The following PCCA variants were observed in gnomAD, a reference collection of about 807,000 sequenced individuals.
The protein encoded by PCCA is propionyl-CoA carboxylase subunit alpha, also known as propionyl-CoA carboxylase alpha chain, mitochondrial.
In PCCA, 74 loss-of-function variants were observed where a neutral mutation model predicts 101.3. The observed-to-expected ratio is 0.73, with a 90% confidence interval of 0.61 to 0.89. The LOEUF (loss-of-function observed/expected upper bound fraction) is 0.89, where lower values mean the gene tolerates loss of function less well. PCCA is among the 40% of genes least tolerant of loss of function. The pLI, the probability that PCCA is intolerant of heterozygous loss-of-function variation, is 0.00. For missense variants in PCCA, 891 were observed against 907.0 expected, an observed-to-expected ratio of 0.98 and a Z score of 0.23; for synonymous variants, 294 against 313.6, an observed-to-expected ratio of 0.94 and a Z score of 0.66.
chr13:100,188,804 T>G (rs1341272672), intron 6 of PCCA, among the ~76,000 whole-genome samples: 2 of 152,362 alleles, frequency 1.3e-5, no homozygotes, highest in Admixed American at 1.3e-4. Flanking sequence ...TGCATTTCCC[T>G]GATCTTTAGT....
chr13:100,221,587 T>C (rs372971603), intron 7 of PCCA, among the ~76,000 whole-genome samples: 3 of 152,162 alleles, frequency 2.0e-5, no homozygotes, highest in African/African-American at 7.2e-5. Context: ...CATTAGATGA[T>C]TTGTAACATC....
In PCCA at chr13:100,309,878, G is replaced by A. The variant is rs781498064; in HGVS notation, c.1399G>A (p.Ala467Thr). The change falls in exon 16 of 24, where the codon GCA becomes ACA. Residue 467 changes from alanine (A) to threonine (T), a missense_variant. Transcript: ENST00000376285. ...SDRTEALKRM[A>T]DALDNYVIRG... ...TAGAACTGAGGCACTGAAGAGAATG[G>A]CAGATGCACTGGATAACTATGTTAT... is the stretch of plus-strand genomic sequence containing the variant. 2.7e-5 allele frequency: 43 copies of A among 1,613,074 alleles called. No homozygotes were observed. The highest frequency in any genetic ancestry group is 3.2e-5 in the Non-Finnish European group (38 of 1,179,276).
chr13:100,428,939 G>A (rs146644958), intron 20 of PCCA, among the ~76,000 whole-genome samples: 14 of 152,318 alleles, frequency 9.2e-5, no homozygotes, highest in Non-Finnish European at 1.6e-4. Context: ...CAGTAAGGAA[G>A]TGATGATTGA....
rs1260408224 is a variant in PCCA at position 100,401,335 on chromosome 13, C to G, written c.1747-24298C>G. On this transcript the variant is annotated intron_variant, in intron 19 of 23. Coordinates refer to ENST00000376285, the MANE Select transcript of PCCA (RefSeq NM_000282.4). The stretch of plus-strand genomic sequence containing the variant: ...CTTGACTCACCACAACCTCTGCCTC[C>G]TGGGTTCAAGCGATTCTCCTGCTTC... Among the ~76,000 whole-genome samples, 4 of 152,128 alleles carry G rather than the reference C, an allele frequency of 2.6e-5. 1 individual carries two copies. The highest frequency in any genetic ancestry group is 5.9e-5 in the Non-Finnish European group (4 of 68,030).
intron 20 of PCCA, among the ~76,000 whole-genome samples, chr13:100,427,794 T>C: frequency 6.6e-6 from 1 of 152,092 alleles, no homozygotes; most frequent in East Asian, 1.9e-4. Context: ...TTATTTACTT[T>C]CTGTAGGCAT....
chr13:100,185,725 G>T (rs559316722), intron 6 of PCCA, among the ~76,000 whole-genome samples: 1 of 150,748 alleles, frequency 6.6e-6, no homozygotes, highest in South Asian at 2.1e-4. Flanking sequence ...TCGGCTCACC[G>T]CAGCCTCCAC....
At chr13:100,385,892 A>C (rs955705284) in intron 19 of PCCA, among the ~76,000 whole-genome samples, 1 of 152,230 alleles carries the variant, frequency 6.6e-6, no homozygotes, top group East Asian at 1.9e-4. Context: ...AATTATAGGC[A>C]TGAGCCACTG....
chr13:100,137,207 C>G (rs2051291533), intron 4 of PCCA, among the ~76,000 whole-genome samples: 1 of 151,970 alleles, frequency 6.6e-6, no homozygotes, highest in South Asian at 2.1e-4. Flanking sequence ...TCTCTTTGTT[C>G]AGAGATCATA....
At chr13:100,227,026 C>T (rs779185385) in intron 7 of PCCA, among the ~76,000 whole-genome samples, 5 of 152,168 alleles carry the variant, frequency 3.3e-5, no homozygotes, top group East Asian at 1.9e-4. Context: ...TTCTTTGAGA[C>T]GAAGTCTTGC....
intron 21 of PCCA, among the ~76,000 whole-genome samples, chr13:100,469,651 C>G (rs570679749): frequency 6.6e-6 from 1 of 151,992 alleles, no homozygotes; most frequent in East Asian, 1.9e-4. Flanking sequence ...TGGCAGGCGC[C>G]TGTAGTCTCA....
At chr13:100,463,821 T>C (rs2082332851) in intron 21 of PCCA, among the ~76,000 whole-genome samples, 1 of 152,192 alleles carries the variant, frequency 6.6e-6, no homozygotes, top group Non-Finnish European at 1.5e-5. Context: ...TACAAAATGA[T>C]GACATGTTTA....
At chr13:100,205,218 C>G (rs1478876153) in intron 6 of PCCA, among the ~76,000 whole-genome samples, 1 of 152,086 alleles carries the variant, frequency 6.6e-6, no homozygotes. Context: ...TAAAATCTGG[C>G]CTTTTATTCT....
chr13:100,322,642 C>G (rs2068193126), intron 16 of PCCA, among the ~76,000 whole-genome samples: 1 of 151,726 alleles, frequency 6.6e-6, no homozygotes, highest in South Asian at 2.1e-4. Flanking sequence ...GCAGCCGTAG[C>G]TCACTACAAC....
chr13:100,514,490 C>G (rs2086691916), intron 21 of PCCA, among the ~76,000 whole-genome samples: 1 of 152,202 alleles, frequency 6.6e-6, no homozygotes, highest in African/African-American at 2.4e-5. Flanking sequence ...AGAAATCAGA[C>G]CTGGTAGGGA....
At chr13:100,101,727 G>A (rs1458186522) in intron 1 of PCCA, among the ~76,000 whole-genome samples, 1 of 152,074 alleles carries the variant, frequency 6.6e-6, no homozygotes, top group Non-Finnish European at 1.5e-5. Context: ...CTCCTGAGTA[G>A]CTGGGACTAC....
rs564372209 is a variant in PCCA, at chr13:100,235,842, G to A, written c.601G>A (p.Asp201Asn). 3 of 1,605,590 alleles carry A rather than the reference G, an allele frequency of 1.9e-6. No individual in the cohort carries two copies. The Admixed American group carries it at 5.0e-5, about 27-fold the overall frequency. ...TIPGFDGVVK[D>N]AEEAVRIARE... ...TGAGTCTCATTTCCTGCTTTTACAGGATGCAGAAGAAGCTGTCAGAATTGC... is the reference window on the plus strand; with the variant it reads ...TGAGTCTCATTTCCTGCTTTTACAGAATGCAGAAGAAGCTGTCAGAATTGC... The change falls in exon 8 of 24, where the codon GAT (aspartate) becomes AAT (asparagine). Residue 201 changes from aspartate to asparagine, a missense_variant and splice_region_variant. Transcript: ENST00000376285.
intron 4 of PCCA, among the ~76,000 whole-genome samples, chr13:100,125,553 G>A (rs190718010): frequency 3.4e-4 from 51 of 152,228 alleles, no homozygotes; most frequent in Non-Finnish European, 1.5e-5. Context: ...ACTTGCTATT[G>A]CTCACTTTTC....
chr13:100,321,215 T>C (rs2068000249), intron 16 of PCCA, among the ~76,000 whole-genome samples: 1 of 152,214 alleles, frequency 6.6e-6, no homozygotes, highest in African/African-American at 2.4e-5. Flanking sequence ...TCTTTTCTTT[T>C]TCAAAAGCAC....
chr13:100,345,310 C>T (rs1015429550), intron 18 of PCCA, among the ~76,000 whole-genome samples: 40 of 152,212 alleles, frequency 2.6e-4, no homozygotes, highest in Non-Finnish European at 5.4e-4. Context: ...AGTGCTATTC[C>T]AGTGAACACA....
Sources: gnomAD v4.1 joint callset for allele counts (sites outside exome capture counted in the v4.1 genomes callset) on GRCh38, gnomAD v4.1.1 for gene constraint, MANE v1.5 for transcripts, NCBI Gene and HGNC (gene_info 2026-07-23, HGNC 2026-07-21) for gene names.